The following AAMDC variants were observed in gnomAD, a reference collection of about 807,000 sequenced individuals.
The protein encoded by AAMDC is mth938 domain-containing protein.
A neutral mutation model predicts 15.5 loss-of-function variants in AAMDC; 16 were observed. The observed-to-expected ratio is 1.03, with a 90% confidence interval of 0.70 to 1.57. The LOEUF is 1.57. Ranked by LOEUF, AAMDC falls within the 40% of genes most tolerant of loss-of-function variation. The pLI is 0.00. For missense variants in AAMDC, 141 were observed against 144.9 expected (o/e 0.97, Z 0.14); for synonymous variants, 51 against 51.6 (o/e 0.99, Z 0.05).
chr11:77,845,485 C>A (rs1010997264), intron 2 of AAMDC, among the ~76,000 whole-genome samples: 1 of 151,894 alleles, frequency 6.6e-6, no homozygotes, highest in African/African-American at 2.4e-5. Context: ...AGCTGGAGTG[C>A]CGTGGCACAA....
chr11:77,867,312 AT>A (rs5792780), intron 2 of AAMDC, among the ~76,000 whole-genome samples: 60,239 of 151,920 alleles, frequency 0.4, 12,478 homozygotes, highest in African/African-American at 0.5. Flanking sequence ...CAACCACTGC[AT>A]TCAAGGCCTA....
chr11:77,858,937 TGC>T (rs1372392081), intron 2 of AAMDC, among the ~76,000 whole-genome samples: 1 of 152,214 alleles, frequency 6.6e-6, no homozygotes, highest in Non-Finnish European at 1.5e-5. Flanking sequence ...TGGCCTGCAG[TGC>T]AGGGGATTAT....
intron 1 of AAMDC, chr11:77,840,959 C>T (rs1296915381): frequency 4.1e-6 from 2 of 486,842 alleles, no homozygotes; most frequent in Non-Finnish European, 7.4e-6. Flanking sequence ...GCTCCTATAA[C>T]TGAATACCTG....
chr11:77,847,404 C>A (rs886578218), intron 2 of AAMDC, among the ~76,000 whole-genome samples: 4 of 152,134 alleles, frequency 2.6e-5, no homozygotes, highest in African/African-American at 9.7e-5. Context: ...AAATTAGGCC[C>A]CACATAGAAA....
At chr11:77,891,159 G>C (rs1467181208) in intron 5 of AAMDC, among the ~76,000 whole-genome samples, 1 of 152,168 alleles carries the variant, frequency 6.6e-6, no homozygotes, top group African/African-American at 2.4e-5. Context: ...ACCACACTCA[G>C]CAGTAGTTGA....
At chr11:77,897,054 T>C (rs1159143350) in intron 5 of AAMDC, among the ~76,000 whole-genome samples, 1 of 151,998 alleles carries the variant, frequency 6.6e-6, no homozygotes, top group Non-Finnish European at 1.5e-5. Context: ...TCTATGAACC[T>C]ATTCTGGTGT....
intron 5 of AAMDC, among the ~76,000 whole-genome samples, chr11:77,886,808 T>C (rs1265578881): frequency 6.6e-6 from 1 of 151,998 alleles, no homozygotes; most frequent in African/African-American, 2.4e-5. Context: ...TCAAAACCGC[T>C]CAACTACATG....
chr11:77,897,149 G>C (rs1952560387), intron 5 of AAMDC, among the ~76,000 whole-genome samples: 1 of 151,814 alleles, frequency 6.6e-6, no homozygotes, highest in African/African-American at 2.4e-5. Flanking sequence ...TTATGTATGA[G>C]AGCAAAGGAA....
intron 1 of AAMDC, 74 bp downstream of exon 1, chr11:77,821,315 A>C: frequency 6.2e-6 from 1 of 160,548 alleles, no homozygotes; most frequent in Non-Finnish European, 1.4e-5. Context: ...TAAACAGAAA[A>C]AGGGAATAGG....
intron 2 of AAMDC, among the ~76,000 whole-genome samples, chr11:77,861,535 G>A (rs1051605604): frequency 1.3e-5 from 2 of 152,216 alleles, no homozygotes; most frequent in Non-Finnish European, 2.9e-5. Context: ...CCTCAGTCCT[G>A]CTGCTGGATC....
intron 2 of AAMDC, among the ~76,000 whole-genome samples, chr11:77,844,128 G>A (rs2136147485): frequency 6.6e-6 from 1 of 152,216 alleles, no homozygotes; most frequent in South Asian, 2.1e-4. Flanking sequence ...CTAGTTTGCA[G>A]ACAGCCAACT....
At position 77,895,358 on chromosome 11, in the gene AAMDC, T is replaced by A. The variant is rs980741582; in HGVS notation, c.329-5213T>A. ...AAGAGAATGATGTCAAGGTTTAGTCTTTTTATTAAAATATAGTCTCCATGA... is the reference window on the plus strand; with the variant it reads ...AAGAGAATGATGTCAAGGTTTAGTCATTTTATTAAAATATAGTCTCCATGA... On this transcript the variant is annotated intron_variant, in intron 5 of 5. Transcript: ENST00000304716. Among the ~76,000 whole-genome samples, 4 of 151,940 alleles carry A rather than the reference T, an allele frequency of 2.6e-5. No homozygotes were observed. In the East Asian group the frequency reaches 7.7e-4, roughly 29 times the overall value.
intron 2 of AAMDC, among the ~76,000 whole-genome samples, chr11:77,858,299 A>G (rs1950717369): frequency 1.1e-5 from 1 of 91,556 alleles, no homozygotes; most frequent in East Asian, 3.2e-4. Context: ...CGTTTAAGCA[A>G]TTCTTTTTTT....
intron 5 of AAMDC, among the ~76,000 whole-genome samples, chr11:77,898,955 G>A (rs1047612118): frequency 1.3e-5 from 2 of 152,210 alleles, no homozygotes; most frequent in East Asian, 1.9e-4. Context: ...GGGAACCAGA[G>A]GTTGCAGTGA....
chr11:77,845,942 C>T (rs549176013), intron 2 of AAMDC, among the ~76,000 whole-genome samples: 1 of 152,218 alleles, frequency 6.6e-6, no homozygotes, highest in South Asian at 2.1e-4. Context: ...CCCCCAATCC[C>T]CATATGGACC....
intron 5 of AAMDC, among the ~76,000 whole-genome samples, chr11:77,884,309 A>G (rs1211548747): frequency 6.6e-6 from 1 of 152,224 alleles, no homozygotes; most frequent in Non-Finnish European, 1.5e-5. Flanking sequence ...CCCAGCATCC[A>G]TCACCAACCA....
At chr11:77,866,134 AG>A in intron 2 of AAMDC, among the ~76,000 whole-genome samples, 1 of 152,226 alleles carries the variant, frequency 6.6e-6, no homozygotes, top group South Asian at 2.1e-4. Context: ...CTTCTTTGGA[AG>A]AGTAGTTTAG....
chr11:77,897,372 T>C (rs1952569596), intron 5 of AAMDC, among the ~76,000 whole-genome samples: 1 of 151,136 alleles, frequency 6.6e-6, no homozygotes, highest in Non-Finnish European at 1.5e-5. Flanking sequence ...AAATTAAAAA[T>C]AAAAATAAAG....
At chr11:77,827,103 C>CAA (rs10540717) in intron 1 of AAMDC, among the ~76,000 whole-genome samples, 1 of 144,072 alleles carries the variant, frequency 6.9e-6, no homozygotes, top group Non-Finnish European at 1.5e-5. Flanking sequence ...AAACTCGTCT[C>CAA]AAAAAAAAAA....
Sources: allele counts gnomAD v4.1 joint callset (sites outside exome capture counted in the v4.1 genomes callset), GRCh38; gene constraint gnomAD v4.1.1; transcripts MANE v1.5; gene names NCBI Gene and HGNC (gene_info 2026-07-23, HGNC 2026-07-21).